The following ANKRD31 variants were observed in gnomAD, a reference collection of about 807,000 sequenced individuals.
The protein encoded by ANKRD31 is ankyrin repeat domain-containing protein 31.
Under a neutral mutation model 186.0 loss-of-function variants are expected in ANKRD31, and 147 were observed. The ratio of observed to expected loss-of-function variants is 0.79; its 90% CI spans 0.69 to 0.91. The LOEUF is 0.91. ANKRD31 is among the 40% of genes least tolerant of loss of function. The probability of loss-of-function intolerance (pLI) is 0.00; values close to 1 mark genes in which losing one functional copy is unlikely to be tolerated. For missense variants in ANKRD31, 1,986 were observed against 2,148.8 expected, an observed-to-expected ratio of 0.92 and a Z score of 1.50; for synonymous variants, 673 against 736.4, an observed-to-expected ratio of 0.91 and a Z score of 1.39.
At chr5:75,216,396 T>C (rs892538506) in intron 3 of ANKRD31, among the ~76,000 whole-genome samples, 2 of 152,138 alleles carry the variant, frequency 1.3e-5, no homozygotes, top group African/African-American at 4.8e-5. Context: ...TGAGGTACAA[T>C]ACAGTTCCTG....
At chr5:75,230,248 G>A (rs564014134) in intron 2 of ANKRD31, among the ~76,000 whole-genome samples, 4 of 152,162 alleles carry the variant, frequency 2.6e-5, no homozygotes, top group Non-Finnish European at 4.4e-5. Flanking sequence ...CAACCCTGAA[G>A]TGGAATAACT....
chr5:75,147,273 T>C lies in ANKRD31; in HGVS notation c.2138A>G (p.Asn713Ser), dbSNP rs1350155945. ...QIYSTGLRKG[N>S]LHNVKDPNTN... ...GTTGGGATCTTTGACGTTATGGAGATTGCCCTTTCTGAGTCCTGTAGAGTA... is the reference window on the plus strand; with the variant it reads ...GTTGGGATCTTTGACGTTATGGAGACTGCCCTTTCTGAGTCCTGTAGAGTA... The change falls in exon 14 of 26, where the codon AAT becomes AGT. Residue 713 changes from asparagine to serine, a missense_variant. Transcript: ENST00000506364. 1 of 1,536,064 alleles carries C rather than the reference T, an allele frequency of 6.5e-7. No homozygotes were observed. The highest frequency in any genetic ancestry group is 1.2e-5 in the South Asian group (1 of 83,990).
At chr5:75,173,458 G>C (rs1302608767) in intron 10 of ANKRD31, among the ~76,000 whole-genome samples, 1 of 152,136 alleles carries the variant, frequency 6.6e-6, no homozygotes, top group African/African-American at 2.4e-5. Context: ...TGTTGCAGAT[G>C]ACATCACTTT....
chr5:75,130,781 G>A (rs550952360), intron 17 of ANKRD31, among the ~76,000 whole-genome samples: 17 of 149,306 alleles, frequency 1.1e-4, no homozygotes, highest in South Asian at 2.2e-4. Flanking sequence ...TGATTGGTGC[G>A]TTTACAATCC....
intron 17 of ANKRD31, among the ~76,000 whole-genome samples, chr5:75,125,964 C>T: frequency 6.6e-6 from 1 of 152,152 alleles, no homozygotes; most frequent in Non-Finnish European, 1.5e-5. Flanking sequence ...GACATTCTAC[C>T]ATCACAAAAA....
chr5:75,120,727 T>C (rs1248778771), intron 17 of ANKRD31, among the ~76,000 whole-genome samples: 1 of 152,018 alleles, frequency 6.6e-6, no homozygotes, highest in African/African-American at 2.4e-5. Context: ...ATAAAACAAC[T>C]AGTGATAACA....
chr5:75,191,279 A>G (rs1755091777), intron 9 of ANKRD31, among the ~76,000 whole-genome samples: 1 of 152,112 alleles, frequency 6.6e-6, no homozygotes, highest in South Asian at 2.1e-4. Context: ...TGCCATCTGT[A>G]TTACATATCT....
chr5:75,192,631 T>A, intron 9 of ANKRD31, 36 bp downstream of exon 9: 1 of 1,415,764 alleles, frequency 7.1e-7, no homozygotes, highest in Admixed American at 2.2e-5. Flanking sequence ...TCTGTTTTTG[T>A]AAAAGAAATA....
Position 75,104,268 on chromosome 5 carries a change from C to A in ANKRD31, c.5291G>T (p.Arg1764Ile). Residue 1764 changes from arginine to isoleucine, a missense_variant, in exon 22 of 26, where the codon AGA (arginine) becomes ATA (isoleucine). Transcript: ENST00000506364. ...IQIKDLILLGRINPGNNILEF... is the reference protein window; with the variant it reads ...IQIKDLILLGIINPGNNILEF... The stretch of plus-strand genomic sequence containing the variant: ...CAGAATGTTATTTCCTGGGTTAATT[C>A]TTCCTAGTAATATCAAATCTTTTAT... 6.5e-7 allele frequency: 1 copy of A among 1,526,952 alleles called. No individual in the cohort carries two copies. 94.6% of individuals were successfully genotyped at this position (1,526,952 alleles called of 1,614,324 possible). A position where few individuals can be genotyped will look rare whatever the true frequency, so the allele number is the denominator to read the frequency against.
intron 8 of ANKRD31, 95 bp downstream of exon 8, chr5:75,193,216 T>C: frequency 7.6e-7 from 1 of 1,321,128 alleles, no homozygotes; most frequent in Non-Finnish European, 1.0e-6. Flanking sequence ...CTTTCCCCTG[T>C]GTTAACTGTA....
chr5:75,078,873 G>A lies in ANKRD31; in HGVS notation c.5647+1695C>T, dbSNP rs190063384. On this transcript the variant is annotated intron_variant, in intron 25 of 25. Coordinates refer to ENST00000506364, the MANE Select transcript of ANKRD31 (RefSeq NM_001372053.1). ...TAGCCAAATAGGCAAAAAGGCGAGA[G>A]GCTTGGGAGGAAGTTTTGAAATTTC... Among the ~76,000 whole-genome samples, 311 of 152,288 alleles carry A rather than the reference G, an allele frequency of 2.0e-3. 1 individual carries two copies. The highest frequency in any genetic ancestry group is 3.6e-3 in the Non-Finnish European group (245 of 68,018).
At chr5:75,161,728 G>A (rs866500817) in intron 11 of ANKRD31, among the ~76,000 whole-genome samples, 27 of 152,190 alleles carry the variant, frequency 1.8e-4, no homozygotes, top group African/African-American at 5.5e-4. Flanking sequence ...CCAGGGTCCC[G>A]ATGCTGTGTA....
intron 19 of ANKRD31, among the ~76,000 whole-genome samples, chr5:75,113,154 G>A (rs4301212): frequency 0.17 from 26,103 of 152,082 alleles, 2,429 homozygotes; most frequent in South Asian, 0.38. Context: ...AGAGAGAATC[G>A]TGGAGTGGGC....
intron 9 of ANKRD31, among the ~76,000 whole-genome samples, chr5:75,191,190 A>ATTC (rs1755086738): frequency 6.6e-6 from 1 of 152,136 alleles, no homozygotes; most frequent in Non-Finnish European, 1.5e-5. Flanking sequence ...AGTTAGTGTA[A>ATTC]GGAATGTTAT....
At chr5:75,191,367 TC>T (rs974280312) in intron 9 of ANKRD31, among the ~76,000 whole-genome samples, 1 of 152,128 alleles carries the variant, frequency 6.6e-6, no homozygotes, top group African/African-American at 2.4e-5. Flanking sequence ...CTATTCCTGC[TC>T]CAGTGTCAAA....
intron 3 of ANKRD31, among the ~76,000 whole-genome samples, chr5:75,216,086 T>A (rs1326158058): frequency 6.6e-6 from 1 of 152,254 alleles, no homozygotes; most frequent in Admixed American, 6.5e-5. Context: ...CCAATGAAAG[T>A]TTTTTAAAAA....
In ANKRD31 at chr5:75,110,582, G is replaced by A. The variant is rs886318141; in HGVS notation, c.4243+1931C>T. On this transcript the variant is annotated intron_variant, in intron 20 of 25. Coordinates refer to ENST00000506364, the MANE Select transcript of ANKRD31 (RefSeq NM_001372053.1). ...AAAATTAGCTGGGCATGGTGCATGC[G>A]CCTGTATTCCCAGCTACTCGGGAGG... Among the ~76,000 whole-genome samples, 7 of 151,392 alleles carry A rather than the reference G, an allele frequency of 4.6e-5. No homozygotes were observed. In the East Asian group the frequency reaches 5.9e-4, roughly 13 times the overall value.
At position 75,116,614 on chromosome 5, in the gene ANKRD31, G is replaced by A. The variant is rs958236486; in HGVS notation, c.4107C>T (p.Asp1369=). 2.7e-6 allele frequency: 4 copies of A among 1,476,142 alleles called. No individual in the cohort carries two copies. The African/African-American group carries it at 5.5e-5, about 20-fold the overall frequency. The allele number at this position is 1,476,142 out of a possible 1,614,324, so 91.4% of individuals were successfully genotyped here. A position where few individuals can be genotyped will look rare whatever the true frequency, so the allele number is the denominator to read the frequency against. ...QCFCDDGKTI[D]SSSLSHQERS... Reference sequence around the variant, plus strand: ...TTTCTTGGTGTGAAAGGGAAGATGAGTCAATAGTTTTGCCATCATCACAAA... The same window carrying A: ...TTTCTTGGTGTGAAAGGGAAGATGAATCAATAGTTTTGCCATCATCACAAA... Residue 1369 remains aspartate (D), a synonymous_variant, in exon 19 of 26, where the codon GAC becomes GAT. Coordinates refer to ENST00000506364, the MANE Select transcript of ANKRD31 (RefSeq NM_001372053.1).
intron 3 of ANKRD31, among the ~76,000 whole-genome samples, chr5:75,215,917 A>G (rs963525540): frequency 6.6e-6 from 1 of 152,088 alleles, no homozygotes; most frequent in Admixed American, 6.6e-5. Context: ...CAAAAGGTTT[A>G]TTTTCATAGG....
Sources: gnomAD v4.1 joint callset for allele counts (sites outside exome capture counted in the v4.1 genomes callset) on GRCh38, gnomAD v4.1.1 for gene constraint, MANE v1.5 for transcripts, NCBI Gene and HGNC (gene_info 2026-07-23, HGNC 2026-07-21) for gene names.